The following NR6A1 variants were observed in gnomAD, a reference collection of about 807,000 sequenced individuals.
NR6A1 encodes retinoic acid receptor-related testis-associated receptor.
Under a neutral mutation model 59.1 loss-of-function variants are expected in NR6A1, and 7 were observed. The ratio of observed to expected loss-of-function variants is 0.12; its 90% confidence interval spans 0.07 to 0.22. The LOEUF is 0.22. Among genes scored for constraint, NR6A1 ranks in the 10% least tolerant of loss-of-function variants. NR6A1 has a pLI of 1.00. For synonymous variants in NR6A1, 243 were observed against 236.1 expected, an observed-to-expected ratio of 1.03 and a Z score of -0.27; for missense variants, 468 against 611.6, an observed-to-expected ratio of 0.77 and a Z score of 2.48.
intron 1 of NR6A1, among the ~76,000 whole-genome samples, chr9:124,740,057 C>T (rs900334226): frequency 6.6e-6 from 1 of 152,188 alleles, no homozygotes; most frequent in African/African-American, 2.4e-5. Context: ...TTGCCAACCA[C>T]TTTATCTCTT....
chr9:124,770,791 G>T (rs944479217), intron 1 of NR6A1, among the ~76,000 whole-genome samples: 11 of 151,020 alleles, frequency 7.3e-5, no homozygotes, highest in Non-Finnish European at 1.3e-4. Flanking sequence ...CAGGGGGAGG[G>T]TCCGCGCAGA....
chr9:124,736,748 A>C (rs567047835), intron 1 of NR6A1, among the ~76,000 whole-genome samples: 1 of 152,088 alleles, frequency 6.6e-6, no homozygotes, highest in African/African-American at 2.4e-5. Context: ...TGGGAGGCTG[A>C]GGTAGAGATC....
At chr9:124,688,860 A>G (rs1449718084) in intron 2 of NR6A1, among the ~76,000 whole-genome samples, 2 of 152,218 alleles carry the variant, frequency 1.3e-5, no homozygotes, top group African/African-American at 2.4e-5. Context: ...ATTTTTAAAT[A>G]TTATCATCTA....
chr9:124,742,548 G>A (rs770061533), intron 1 of NR6A1, among the ~76,000 whole-genome samples: 16 of 149,800 alleles, frequency 1.1e-4, no homozygotes, highest in Non-Finnish European at 1.9e-4. Flanking sequence ...CAGGAAGAGC[G>A]AAACTTCGTC....
chr9:124,567,719 G>A (rs1410733790), intron 2 of NR6A1, among the ~76,000 whole-genome samples: 2 of 151,926 alleles, frequency 1.3e-5, no homozygotes, highest in Admixed American at 6.6e-5. Flanking sequence ...TTAAAAGTGA[G>A]TGGTAAAGAA....
chr9:124,613,355 T>G (rs1159241189), intron 2 of NR6A1, among the ~76,000 whole-genome samples: 1 of 151,756 alleles, frequency 6.6e-6, no homozygotes, highest in Non-Finnish European at 1.5e-5. Context: ...AAAATTAAAA[T>G]TAAAATTAAG....
Position 124,767,774 on chromosome 9 carries a change from T to C in NR6A1, c.100+3246A>G, listed in dbSNP as rs188971702. 6.5e-4 allele frequency among the ~76,000 whole-genome samples: 99 copies of C among 152,356 alleles called. No homozygotes were observed. In the East Asian group the frequency reaches 0.012, roughly 18 times the overall value. On this transcript the variant is annotated intron_variant, in intron 1 of 9. Transcript: ENST00000487099. ...GGCACCGTGCTATTCAGTGAACTTC[T>C]CCCCATTTCCTCTAAAGTGTAATTA...
intron 2 of NR6A1, among the ~76,000 whole-genome samples, chr9:124,650,264 T>C (rs991834969): frequency 2.0e-5 from 3 of 151,866 alleles, no homozygotes; most frequent in African/African-American, 7.3e-5. Context: ...TATTCAGCCA[T>C]AAAAAAGAAT....
At chr9:124,715,222 C>G (rs1839382397) in intron 2 of NR6A1, among the ~76,000 whole-genome samples, 1 of 150,734 alleles carries the variant, frequency 6.6e-6, no homozygotes, top group Non-Finnish European at 1.5e-5. Context: ...AAAAAGAAGA[C>G]TCAAGACTCA....
intron 2 of NR6A1, chr9:124,693,832 G>A (rs112915983): frequency 2.7e-5 from 14 of 526,580 alleles, no homozygotes; most frequent in Admixed American, 8.0e-5. Context: ...GCAGAGAGTC[G>A]CCTGAGTGCA....
intron 7 of NR6A1, among the ~76,000 whole-genome samples, chr9:124,533,258 T>G (rs547405624): frequency 6.6e-6 from 1 of 152,150 alleles, no homozygotes; most frequent in South Asian, 2.1e-4. Flanking sequence ...AACACCCCTA[T>G]GGAGCAGAGT....
intron 2 of NR6A1, among the ~76,000 whole-genome samples, chr9:124,726,977 G>A (rs1373258057): frequency 6.6e-6 from 1 of 152,192 alleles, no homozygotes; most frequent in Non-Finnish European, 1.5e-5. Flanking sequence ...TTAGAAGAGG[G>A]TATAAGGGCA....
At position 124,643,975 on chromosome 9, in the gene NR6A1, A is replaced by T. The variant is rs562693338; in HGVS notation, c.142+89333T>A. Among the ~76,000 whole-genome samples the T allele has an allele frequency of 8.5e-5, 13 of 152,290 alleles. No individual in the cohort carries two copies. In the South Asian group the frequency reaches 2.3e-3, roughly 27 times the overall value. On this transcript the variant is annotated intron_variant, in intron 2 of 9. Coordinates refer to ENST00000487099, the MANE Select transcript of NR6A1 (RefSeq NM_033334.4). ...GGGTGCAGTGGCGCGATACTGGCTCACTACAACCTCCACCTCCTGGGTTCA... is the reference window on the plus strand; with the variant it reads ...GGGTGCAGTGGCGCGATACTGGCTCTCTACAACCTCCACCTCCTGGGTTCA...
chr9:124,521,280 T>C lies in NR6A1; in HGVS notation c.*1425A>G. 6.6e-6 allele frequency: 1 copy of C among 152,572 alleles called. No individual in the cohort carries two copies. 9.5% of individuals were successfully genotyped at this position (152,572 alleles called of 1,614,324 possible). On this transcript the variant is annotated 3_prime_UTR_variant, in exon 10 of 10. Coordinates refer to ENST00000487099, the MANE Select transcript of NR6A1 (RefSeq NM_033334.4). ...TCCTGGGATAAGGTGGGGCAGGTAG[T>C]GAGAGGTCAAGGAGTCCAGGCCATG...
chr9:124,723,749 T>G (rs1839631676), intron 2 of NR6A1, among the ~76,000 whole-genome samples: 1 of 152,190 alleles, frequency 6.6e-6, no homozygotes, highest in South Asian at 2.1e-4. Context: ...ATTCACTTAA[T>G]CCTCACAGCA....
At chr9:124,651,681 T>C (rs1027295030) in intron 2 of NR6A1, among the ~76,000 whole-genome samples, 2 of 152,186 alleles carry the variant, frequency 1.3e-5, no homozygotes, top group African/African-American at 4.8e-5. Flanking sequence ...CTACTATATA[T>C]ACGGTTTACA....
chr9:124,770,732 G>A lies in NR6A1; in HGVS notation c.100+288C>T, dbSNP rs1444345021. ...GACGGGGGGAGGGGAAGCCTGTGCA[G>A]AGGGGACGGGGGGAGGGGGAAATGA... On this transcript the variant is annotated intron_variant, in intron 1 of 9. Transcript: ENST00000487099. 2.4e-5 allele frequency among the ~76,000 whole-genome samples: 3 copies of A among 126,824 alleles called. No homozygotes were observed. The South Asian group carries it at 9.5e-4, about 40-fold the overall frequency. The allele number at this position is 126,824 out of a possible 152,430, so 83.2% of individuals were successfully genotyped here.
intron 2 of NR6A1, among the ~76,000 whole-genome samples, chr9:124,677,346 C>A (rs1837996441): frequency 6.6e-6 from 1 of 152,078 alleles, no homozygotes. Flanking sequence ...GCAGCCTCAA[C>A]CTCTCATGTT....
chr9:124,760,741 C>T (rs563999196), intron 1 of NR6A1, among the ~76,000 whole-genome samples: 15 of 152,276 alleles, frequency 9.9e-5, no homozygotes, highest in Non-Finnish European at 1.0e-4. Flanking sequence ...AGATTATAAA[C>T]ACTATGTAAA....
Sources: gnomAD v4.1 joint callset for allele counts (sites outside exome capture counted in the v4.1 genomes callset) on GRCh38, gnomAD v4.1.1 for gene constraint, MANE v1.5 for transcripts, NCBI Gene and HGNC (gene_info 2026-07-23, HGNC 2026-07-21) for gene names.